CEP131: variants seen among roughly 807,000 people sequenced by gnomAD.
CEP131 encodes the protein centrosomal protein 131.
In CEP131, 99 loss-of-function variants were observed where a neutral mutation model predicts 136.8. That is an observed-to-expected ratio of 0.72 (90% confidence interval 0.62 to 0.86). The LOEUF (loss-of-function observed/expected upper bound fraction) is 0.86, where lower values mean the gene tolerates loss of function less well. CEP131 is among the 40% of genes least tolerant of loss of function. CEP131 has a pLI of 0.00. For synonymous variants in CEP131, 646 were observed against 612.7 expected (o/e 1.05, Z -0.80); for missense variants, 1,459 against 1,463.0 (o/e 1.00, Z 0.04).
At chr17:81,196,017 GA>G in intron 15 of CEP131, 66 bp from the exon 16 acceptor site, 1 of 1,375,530 alleles carries the variant, frequency 7.3e-7, no homozygotes, top group African/African-American at 1.4e-5. Context: ...CCTGATGGAG[GA>G]GACCCTCCCA....
chr17:81,204,866 C>T lies in CEP131; in HGVS notation c.516-1259G>A, dbSNP rs140523175. On this transcript the variant is annotated intron_variant, in intron 5 of 25. Transcript: ENST00000450824. ...CGTTCAACAGCTGGTTCTTGGAGCG[C>T]GGCTCATCTGCCAATTTGGGTGGTG... Among the ~76,000 whole-genome samples the T allele has an allele frequency of 3.4e-3, 522 of 152,046 alleles. 2 individuals carry two copies. Among genetic ancestry groups the T allele is most frequent in the African/African-American group, 0.012 (482 of 41,516 alleles).
At chr17:81,214,330 G>A (rs1251302944) in intron 2 of CEP131, among the ~76,000 whole-genome samples, 2 of 152,162 alleles carry the variant, frequency 1.3e-5, no homozygotes, top group East Asian at 1.9e-4. Flanking sequence ...CAAGGCGGGC[G>A]GATTCACTTG....
intron 2 of CEP131, 70 bp from the exon 3 acceptor site, chr17:81,209,092 G>C: frequency 8.4e-7 from 1 of 1,193,328 alleles, no homozygotes; most frequent in Middle Eastern, 1.9e-4. Flanking sequence ...GCCTCCGCCA[G>C]CTTTGGAGAA....
At chr17:81,220,440 C>T (rs537183179) in intron 1 of CEP131, among the ~76,000 whole-genome samples, 1 of 152,208 alleles carries the variant, frequency 6.6e-6, no homozygotes, top group Admixed American at 6.5e-5. Context: ...CTGAGAAAGT[C>T]ACTGCCCCGA....
chr17:81,195,804 G>A (rs2061741489), intron 16 of CEP131, 31 bp downstream of exon 16: 1 of 1,580,752 alleles, frequency 6.3e-7, no homozygotes, highest in Non-Finnish European at 8.6e-7. Flanking sequence ...GCCGGGCTTG[G>A]GACGCCGTGC....
chr17:81,200,461 G>A lies in CEP131; in HGVS notation c.789-15C>T, dbSNP rs1043655171. ...GGTGGATAAACCTGCCCGGAGAGCA[G>A]GACTCAGGGCCAAGACAGGACCAGC... On this transcript the variant is annotated splice_polypyrimidine_tract_variant and intron_variant, in intron 7 of 25. Transcript: ENST00000450824. The A allele has an allele frequency of 3.3e-6, 5 of 1,535,820 alleles. No individual in the cohort carries two copies. In the African/African-American group the frequency reaches 6.9e-5, roughly 21 times the overall value.
At chr17:81,201,454 C>G (rs1031526651) in intron 7 of CEP131, among the ~76,000 whole-genome samples, 13 of 151,530 alleles carry the variant, frequency 8.6e-5, no homozygotes, top group African/African-American at 3.2e-4. Flanking sequence ...GGCACAGCCC[C>G]CAACAGTCAT....
intron 5 of CEP131, among the ~76,000 whole-genome samples, chr17:81,206,104 C>A (rs184282088): frequency 2.2e-4 from 33 of 152,014 alleles, no homozygotes; most frequent in Non-Finnish European, 3.4e-4. Flanking sequence ...ATCTCAGCTA[C>A]TCGGGAGGCT....
chr17:81,192,370 T>C lies in CEP131; in HGVS notation c.2570A>G (p.Gln857Arg), dbSNP rs1205265995. 1.9e-6 allele frequency: 3 copies of C among 1,599,664 alleles called. No homozygotes were observed. The highest frequency in any genetic ancestry group is 1.7e-5 in the Admixed American group (1 of 58,060). ...RHQMELNTLK[Q>R]QLELERQAWE... is the part of the protein sequence containing the mutation. ...CGCCTGCCTCTCCAGCTCCAGCTGCTGCTTCAGGGTATTCAGCTCCATCTG... is the reference window on the plus strand; with the variant it reads ...CGCCTGCCTCTCCAGCTCCAGCTGCCGCTTCAGGGTATTCAGCTCCATCTG... Residue 857 changes from glutamine (Q) to arginine (R), a missense_variant, in exon 21 of 26, where the codon CAG becomes CGG. Transcript: ENST00000450824.
intron 2 of CEP131, among the ~76,000 whole-genome samples, chr17:81,210,364 G>A (rs1011106548): frequency 6.6e-6 from 1 of 152,164 alleles, no homozygotes; most frequent in South Asian, 2.1e-4. Context: ...GAGGTCAGGA[G>A]ATCAAGACCA....
At position 81,198,960 on chromosome 17, in the gene CEP131, G is replaced by A; in HGVS notation, c.1204C>T (p.Pro402Ser). ...CAGCGGTCTCCGGGGCCTGCAGCAG[G>A]GAGGCCACCACCTGCACAGCAGAAC... Reference protein sequence around the residue: ...LKANNTGGGLPAAGPGDRCLP... With the variant: ...LKANNTGGGLSAAGPGDRCLP... Residue 402 changes from proline (P) to serine (S), a missense_variant, in exon 11 of 26, where the codon CCT becomes TCT. By Grantham distance (74) the Pro-to-Ser change is moderately conservative (BLOSUM62 -1). Around this residue, in one of 3 missense-constraint regions of CEP131, gnomAD observed 1,026 missense variants for 964.2 expected, o/e 1.06. Transcript: ENST00000450824. 8 of 1,572,910 alleles carry A rather than the reference G, an allele frequency of 5.1e-6. No homozygotes were observed. The highest frequency in any genetic ancestry group is 6.9e-6 in the Non-Finnish European group (8 of 1,161,492).
At chr17:81,200,157 G>C in intron 8 of CEP131, 172 bp downstream of exon 8, 1 of 633,028 alleles carries the variant, frequency 1.6e-6, no homozygotes, top group Non-Finnish European at 2.7e-6. Context: ...CGCCAGTGAG[G>C]ACCACCCTGA....
Position 81,192,553 on chromosome 17 carries a change from C to T in CEP131, c.2470G>A (p.Glu824Lys), listed in dbSNP as rs781406893. Residue 824 changes from glutamate (E) to lysine (K), a missense_variant, in exon 20 of 26, where the codon GAG becomes AAG. Glu to Lys is a moderately conservative substitution (Grantham distance 56). Around this residue, in one of 3 missense-constraint regions of CEP131, gnomAD observed 1,026 missense variants for 964.2 expected, o/e 1.06. Transcript: ENST00000450824. Reference sequence around the variant, plus strand: ...GCTCGGGTCAGTGCAGAGCTGCTCTCCTCCAGCTGCTGCCTCAGCTCTTCC... The same window carrying T: ...GCTCGGGTCAGTGCAGAGCTGCTCTTCTCCAGCTGCTGCCTCAGCTCTTCC... Reference protein sequence around the residue: ...ELEELRQQLEESSSALTRALR... With the variant: ...ELEELRQQLEKSSSALTRALR... 1 of 1,609,810 alleles carries T rather than the reference C, an allele frequency of 6.2e-7. No homozygotes were observed. Among genetic ancestry groups the T allele is most frequent in the Non-Finnish European group, 8.5e-7 (1 of 1,179,530 alleles).
Position 81,208,874 on chromosome 17 carries a change from G to T in CEP131, c.272+54C>A. ...GGCAGGGAGGAGCAGGCCAGGGTGG[G>T]GCACCTGAGGTCCCGGGAAGGGGCC... On this transcript the variant is annotated intron_variant, in intron 3 of 25. Coordinates refer to ENST00000450824, the MANE Select transcript of CEP131 (RefSeq NM_014984.4). This position sits in a 1 kb window ranked among gnomAD's most constrained non-coding sequence, Gnocchi z 5.6. The T allele has an allele frequency of 2.1e-6, 3 of 1,412,406 alleles. No homozygotes were observed. The highest frequency in any genetic ancestry group is 2.3e-5 in the South Asian group (2 of 85,832). The allele number at this position is 1,412,406 out of a possible 1,614,324, so 87.5% of individuals were successfully genotyped here. A position where few individuals can be genotyped will look rare whatever the true frequency, so the allele number is the denominator to read the frequency against.
chr17:81,203,718 T>C lies in CEP131; in HGVS notation c.516-111A>G, dbSNP rs2061945346. 2 of 766,664 alleles carry C rather than the reference T, an allele frequency of 2.6e-6. No homozygotes were observed. The highest frequency in any genetic ancestry group is 3.4e-5 in the South Asian group (2 of 58,174). The allele number at this position is 766,664 out of a possible 1,614,324, so 47.5% of individuals were successfully genotyped here. ...GGAGGGAACAAAGGCCTTCAGTGCTTGCTACGTGCTGGCAGCATTGTCGTC... is the reference window on the plus strand; with the variant it reads ...GGAGGGAACAAAGGCCTTCAGTGCTCGCTACGTGCTGGCAGCATTGTCGTC... On this transcript the variant is annotated intron_variant, in intron 5 of 25. Coordinates refer to ENST00000450824, the MANE Select transcript of CEP131 (RefSeq NM_014984.4). The surrounding 1 kb of genome is among the most constrained non-coding windows in gnomAD (Gnocchi z 4.6).
chr17:81,207,467 T>C (rs1304621896), intron 3 of CEP131, among the ~76,000 whole-genome samples: 3 of 150,808 alleles, frequency 2.0e-5, no homozygotes, highest in Non-Finnish European at 2.9e-5. Flanking sequence ...GTCACACCGA[T>C]CACAGTTTCT....
rs756839552 is a variant in CEP131, at chr17:81,198,322, GC to G, written c.1288-26del. The G allele has an allele frequency of 1.1e-5, 17 of 1,563,112 alleles. No individual in the cohort carries two copies. In the South Asian group the frequency reaches 1.5e-4, roughly 14 times the overall value. ...CCTGCAAAAGAGCAGGGAGACAGATGCAGCAAGGCTGCTGGTAGCTGAGAGC... is the reference window on the plus strand; with the variant it reads ...CCTGCAAAAGAGCAGGGAGACAGATGAGCAAGGCTGCTGGTAGCTGAGAGC... On this transcript the variant is annotated intron_variant, in intron 11 of 25. Coordinates refer to ENST00000450824, the MANE Select transcript of CEP131 (RefSeq NM_014984.4).
At chr17:81,212,464 C>G (rs1192571410) in intron 2 of CEP131, among the ~76,000 whole-genome samples, 1 of 152,042 alleles carries the variant, frequency 6.6e-6, no homozygotes, top group Non-Finnish European at 1.5e-5. Flanking sequence ...GGGACTGTTC[C>G]GAGTAGCCCC....
At chr17:81,212,622 A>G (rs2062159288) in intron 2 of CEP131, among the ~76,000 whole-genome samples, 1 of 151,448 alleles carries the variant, frequency 6.6e-6, no homozygotes, top group East Asian at 1.9e-4. Flanking sequence ...AGCATAGCAC[A>G]GCATTGGTGG....
Sources: gnomAD v4.1 joint callset for allele counts (sites outside exome capture counted in the v4.1 genomes callset) on GRCh38, gnomAD v4.1.1 for gene constraint, gnomAD v4.1.1 regional missense constraint, Gnocchi (gnomAD v3.1) non-coding constraint, MANE v1.5 for transcripts, NCBI Gene and HGNC (gene_info 2026-07-23, HGNC 2026-07-21) for gene names.